Variants in SLC13A3 observed in about 807,000 individuals in gnomAD.
SLC13A3 encodes the protein solute carrier family 13 member 3.
In SLC13A3, 40 loss-of-function variants were observed where a neutral mutation model predicts 59.0. The observed-to-expected ratio is 0.68, with a 90% CI of 0.53 to 0.88. SLC13A3 has a LOEUF of 0.88. Ranked by LOEUF, SLC13A3 falls within the 40% of genes least tolerant of loss-of-function variation. The pLI is 0.00. For missense variants in SLC13A3, 699 were observed against 783.2 expected (o/e 0.89, Z 1.28); for synonymous variants, 317 against 330.3 (o/e 0.96, Z 0.44).
chr20:46,568,544 A>T (rs2062002210), intron 10 of SLC13A3, among the ~76,000 whole-genome samples: 1 of 152,118 alleles, frequency 6.6e-6, no homozygotes, highest in Non-Finnish European at 1.5e-5. Flanking sequence ...TGTCCCCAGA[A>T]GAGTCCTCAT....
intron 10 of SLC13A3, among the ~76,000 whole-genome samples, chr20:46,569,365 T>C (rs934537942): frequency 6.6e-6 from 1 of 152,094 alleles, no homozygotes; most frequent in African/African-American, 2.4e-5. Context: ...TCCCAGGGAC[T>C]CCAGGGACCA....
At chr20:46,622,615 TGTGTGC>T (rs753995796) in intron 1 of SLC13A3, among the ~76,000 whole-genome samples, 6,095 of 86,350 alleles carry the variant, frequency 0.071, 271 homozygotes, top group East Asian at 0.24. Flanking sequence ...TGGTGTGTGG[TGTGTGC>T]GTGTGTGTGT....
chr20:46,570,205 G>A (rs1255069473), intron 10 of SLC13A3, among the ~76,000 whole-genome samples: 8 of 152,164 alleles, frequency 5.3e-5, no homozygotes, highest in Non-Finnish European at 1.2e-4. Flanking sequence ...AAGTGCACAC[G>A]AAACACTCTC....
chr20:46,568,401 CAAAAAAAAAAA>C (rs66526539), intron 10 of SLC13A3, among the ~76,000 whole-genome samples: 17 of 58,712 alleles, frequency 2.9e-4, no homozygotes, highest in Admixed American at 1.5e-3. Flanking sequence ...GACTCCATCT[CAAAAAAAAAAA>C]AAAAAAAAAA....
chr20:46,581,676 G>A (rs938470722), intron 9 of SLC13A3, among the ~76,000 whole-genome samples: 1 of 152,160 alleles, frequency 6.6e-6, no homozygotes, highest in Non-Finnish European at 1.5e-5. Context: ...TATGAGGGGC[G>A]ATGCCACAGG....
chr20:46,638,660 A>T (rs1415361819), intron 1 of SLC13A3, among the ~76,000 whole-genome samples: 1 of 152,216 alleles, frequency 6.6e-6, no homozygotes, highest in Admixed American at 6.5e-5. Context: ...CTCACAGGCT[A>T]GCATGCCCCT....
intron 1 of SLC13A3, among the ~76,000 whole-genome samples, chr20:46,677,011 T>G (rs1600637363): frequency 6.6e-6 from 1 of 152,206 alleles, no homozygotes. Flanking sequence ...TCTCCTGGGT[T>G]CAAGCGATTC....
chr20:46,666,649 G>A (rs772736293), intron 1 of SLC13A3, among the ~76,000 whole-genome samples: 22 of 151,938 alleles, frequency 1.4e-4, no homozygotes, highest in African/African-American at 2.2e-4. Flanking sequence ...AACTACAGGC[G>A]CACACCACCA....
At chr20:46,615,202 C>G (rs1370804738) in intron 1 of SLC13A3, among the ~76,000 whole-genome samples, 1 of 152,198 alleles carries the variant, frequency 6.6e-6, no homozygotes, top group Non-Finnish European at 1.5e-5. Context: ...AGGCAACGAT[C>G]TTGCATATTC....
intron 3 of SLC13A3, among the ~76,000 whole-genome samples, chr20:46,609,795 A>C (rs2062474384): frequency 6.6e-6 from 1 of 152,226 alleles, no homozygotes; most frequent in Admixed American, 6.5e-5. Context: ...AAGTGCATGT[A>C]GCCACCAACT....
At chr20:46,612,147 T>TTTTTTTTG (rs1555879622) in intron 2 of SLC13A3, among the ~76,000 whole-genome samples, 3 of 145,558 alleles carry the variant, frequency 2.1e-5, no homozygotes, top group Non-Finnish European at 4.5e-5. Flanking sequence ...TTTTTTTTTT[T>TTTTTTTTG]GAGACAGGGT....
At chr20:46,655,991 A>G (rs2062985975), upstream of SLC13A3, among the ~76,000 whole-genome samples, 1 of 136,746 alleles carries the variant, frequency 7.3e-6, no homozygotes, top group African/African-American at 3.0e-5. Flanking sequence ...ATATGTATAT[A>G]TGTATACTAC....
intron 8 of SLC13A3, among the ~76,000 whole-genome samples, chr20:46,586,662 C>T (rs2062195846): frequency 6.6e-6 from 1 of 152,122 alleles, no homozygotes; most frequent in Admixed American, 6.5e-5. Context: ...CTCCAATTAA[C>T]CACCATCCAT....
intron 8 of SLC13A3, chr20:46,584,584 C>A: frequency 1.4e-6 from 1 of 722,394 alleles, no homozygotes; most frequent in Non-Finnish European, 1.7e-6. Context: ...CAGAGAAATG[C>A]AGATCAAAAC....
intron 12 of SLC13A3, among the ~76,000 whole-genome samples, chr20:46,562,437 G>A (rs904325782): frequency 1.3e-5 from 2 of 152,044 alleles, no homozygotes; most frequent in African/African-American, 2.4e-5. Flanking sequence ...TGAGGCTGGC[G>A]GCTTCCCATG....
At chr20:46,680,656 G>T (rs1003951324) in intron 1 of SLC13A3, among the ~76,000 whole-genome samples, 1 of 152,238 alleles carries the variant, frequency 6.6e-6, no homozygotes, top group Non-Finnish European at 1.5e-5. Context: ...GCCATCTTGT[G>T]ACATCTCTGA....
At chr20:46,631,659 A>T (rs912899540) in intron 1 of SLC13A3, among the ~76,000 whole-genome samples, 1 of 152,090 alleles carries the variant, frequency 6.6e-6, no homozygotes, top group Non-Finnish European at 1.5e-5. Context: ...ATAATCTCCA[A>T]GGTCTGGCTT....
chr20:46,575,769 G>T, intron 9 of SLC13A3, 84 bp from the exon 10 acceptor site: 1 of 728,188 alleles, frequency 1.4e-6, no homozygotes, highest in Non-Finnish European at 2.1e-6. Flanking sequence ...CATCTTACCG[G>T]GGACACTCAG....
In SLC13A3 at chr20:46,592,439, G is replaced by C. The variant is rs768551104; in HGVS notation, c.885C>G (p.Leu295=). 60 of 1,614,018 alleles carry C rather than the reference G, an allele frequency of 3.7e-5. No homozygotes were observed. The East Asian group carries it at 1.3e-3, about 35-fold the overall frequency. Reference sequence around the variant, plus strand: ...GTCCCCCGTACAGGAAGGAGATCCAGAGCCAGCCTGCCAACAGGAACAACA... The same window carrying C: ...GTCCCCCGTACAGGAAGGAGATCCACAGCCAGCCTGCCAACAGGAACAACA... ...LMLLFLLAGW[L]WISFLYGGLS... is the part of the protein sequence containing the mutation. The change falls in exon 6 of 13, where the codon CTC becomes CTG. Residue 295 remains leucine, a synonymous_variant. Transcript: ENST00000279027.
Sources: gnomAD v4.1 joint callset for allele counts (sites outside exome capture counted in the v4.1 genomes callset) on GRCh38, gnomAD v4.1.1 for gene constraint, MANE v1.5 for transcripts, NCBI Gene and HGNC (gene_info 2026-07-23, HGNC 2026-07-21) for gene names.